The following MARCHF1 variants were observed in gnomAD, a reference collection of about 807,000 sequenced individuals.
The protein encoded by MARCHF1 is E3 ubiquitin-protein ligase MARCHF1.
Under a neutral mutation model 54.2 loss-of-function variants are expected in MARCHF1, and 40 were observed. The ratio of observed to expected loss-of-function variants is 0.74; its 90% CI spans 0.57 to 0.96. The LOEUF is 0.96. MARCHF1 is among the 40% of genes least tolerant of loss of function. MARCHF1 has a pLI of 0.00. For missense variants in MARCHF1, 586 were observed against 656.5 expected (o/e 0.89, Z 1.17); for synonymous variants, 236 against 236.3 (o/e 1.00, Z 0.01).
chr4:164,381,632 C>T (rs1241700071), intron 1 of MARCHF1, among the ~76,000 whole-genome samples: 1 of 152,126 alleles, frequency 6.6e-6, no homozygotes, highest in African/African-American at 2.4e-5. Context: ...AGCTGATTAT[C>T]TGATCAGAGT....
chr4:164,264,368 A>G (rs1733549346), intron 1 of MARCHF1, among the ~76,000 whole-genome samples: 1 of 152,148 alleles, frequency 6.6e-6, no homozygotes, highest in African/African-American at 2.4e-5. Context: ...AGAAGCAGAA[A>G]AGATAACTAT....
At chr4:164,271,260 G>C (rs1343026293) in intron 1 of MARCHF1, among the ~76,000 whole-genome samples, 2 of 152,122 alleles carry the variant, frequency 1.3e-5, no homozygotes, top group African/African-American at 4.8e-5. Flanking sequence ...GACTGAGATG[G>C]AGAGATCTTC....
chr4:163,786,800 C>T (rs1459984336), intron 4 of MARCHF1, among the ~76,000 whole-genome samples: 1 of 151,820 alleles, frequency 6.6e-6, no homozygotes, highest in African/African-American at 2.4e-5. Context: ...AAAGAAAGAA[C>T]AAAATTAGTG....
intron 4 of MARCHF1, among the ~76,000 whole-genome samples, chr4:163,754,752 A>T (rs889570143): frequency 6.6e-6 from 1 of 152,148 alleles, no homozygotes; most frequent in Non-Finnish European, 1.5e-5. Context: ...TAAAGTGCAA[A>T]AATATCACTT....
At chr4:163,762,959 C>T (rs1746869598) in intron 4 of MARCHF1, among the ~76,000 whole-genome samples, 1 of 152,050 alleles carries the variant, frequency 6.6e-6, no homozygotes, top group Non-Finnish European at 1.5e-5. Context: ...ACAATATAAA[C>T]CACAGAGGCA....
chr4:164,241,184 G>A (rs962523697), intron 1 of MARCHF1, among the ~76,000 whole-genome samples: 7 of 151,998 alleles, frequency 4.6e-5, no homozygotes, highest in Non-Finnish European at 8.8e-5. Flanking sequence ...CTCAGCCTTC[G>A]AAGACCATTT....
intron 2 of MARCHF1, among the ~76,000 whole-genome samples, chr4:164,068,404 A>G (rs1020545336): frequency 1.3e-5 from 2 of 152,044 alleles, no homozygotes; most frequent in Non-Finnish European, 2.9e-5. Flanking sequence ...AGGGAGAGGC[A>G]TGGGTGGGAA....
At chr4:163,622,928 A>G (rs1426186668) in intron 5 of MARCHF1, among the ~76,000 whole-genome samples, 1 of 152,182 alleles carries the variant, frequency 6.6e-6, no homozygotes, top group Non-Finnish European at 1.5e-5. Flanking sequence ...GCCTGTCTTG[A>G]GAGGCCCTAG....
chr4:164,157,177 A>T (rs2110928450), intron 1 of MARCHF1, among the ~76,000 whole-genome samples: 1 of 151,782 alleles, frequency 6.6e-6, no homozygotes, highest in Non-Finnish European at 1.5e-5. Context: ...TACAATATTA[A>T]AAGATATTAT....
At chr4:164,070,034 T>C (rs1283639542) in intron 2 of MARCHF1, among the ~76,000 whole-genome samples, 1 of 152,180 alleles carries the variant, frequency 6.6e-6, no homozygotes, top group African/African-American at 2.4e-5. Context: ...AAATACTGCA[T>C]GTTCTAATTT....
At chr4:163,960,787 A>T (rs1195618110) in intron 3 of MARCHF1, among the ~76,000 whole-genome samples, 1 of 150,640 alleles carries the variant, frequency 6.6e-6, no homozygotes, top group Non-Finnish European at 1.5e-5. Flanking sequence ...AAACCTTCGC[A>T]TGTACCCTTG....
At chr4:164,199,671 C>G (rs373555884) in intron 1 of MARCHF1, among the ~76,000 whole-genome samples, 638 of 56,174 alleles carry the variant, frequency 0.011, 1 homozygote, top group Middle Eastern at 0.024. Flanking sequence ...CACACACACA[C>G]ACACACACAC....
In MARCHF1 at chr4:164,286,871, T is replaced by G. The variant is rs558445695; in HGVS notation, c.-323+96999A>C. On this transcript the variant is annotated intron_variant, in intron 1 of 9. Coordinates refer to ENST00000514618, the MANE Select transcript of MARCHF1 (RefSeq NM_001394959.1). ...CTTATGAGTATTTAAAAAGGAAATT[T>G]TTTGTGGGTGTGGGGAGCAAACAGA... 8.0e-5 allele frequency among the ~76,000 whole-genome samples: 12 copies of G among 149,732 alleles called. No individual in the cohort carries two copies. The East Asian group carries it at 2.3e-3, about 29-fold the overall frequency.
At chr4:164,383,612 C>T (rs906376082) in intron 1 of MARCHF1, 1 of 152,186 alleles carries the variant, frequency 6.6e-6, no homozygotes, top group Admixed American at 6.5e-5. Context: ...AGGCTGCGGG[C>T]TGGAGCCGCC....
chr4:163,733,726 A>G (rs1204928748), intron 4 of MARCHF1, among the ~76,000 whole-genome samples: 2 of 152,132 alleles, frequency 1.3e-5, no homozygotes, highest in African/African-American at 4.8e-5. Flanking sequence ...CTAAAAGAAA[A>G]CATAGAAGAA....
chr4:163,787,960 C>T (rs943825815), intron 4 of MARCHF1, among the ~76,000 whole-genome samples: 4 of 151,754 alleles, frequency 2.6e-5, no homozygotes, highest in South Asian at 2.1e-4. Context: ...TTATGCTGAA[C>T]GAAATAAGCC....
rs960423797 is a variant in MARCHF1 at position 164,080,068 on chromosome 4, T to TA, written c.-248+31519dup. Among the ~76,000 whole-genome samples, 18 of 151,914 alleles carry TA rather than the reference T, an allele frequency of 1.2e-4. No homozygotes were observed. The East Asian group carries it at 1.5e-3, about 13-fold the overall frequency. ...ATGTGCCAATTCTACACCTAAGCCT[T>TA]AAAAAAAACAGGAAGCTTCTGCTTT... On this transcript the variant is annotated intron_variant, in intron 2 of 9. Transcript: ENST00000514618.
At chr4:164,272,085 T>C (rs1229203278) in intron 1 of MARCHF1, among the ~76,000 whole-genome samples, 2 of 151,894 alleles carry the variant, frequency 1.3e-5, no homozygotes, top group African/African-American at 2.4e-5. Flanking sequence ...TGAGATGCTT[T>C]TTACATCCAT....
intron 4 of MARCHF1, among the ~76,000 whole-genome samples, chr4:163,759,653 T>C (rs2110818614): frequency 6.6e-6 from 1 of 152,350 alleles, no homozygotes; most frequent in East Asian, 1.9e-4. Context: ...AAGGATATAA[T>C]GCAGTGGGGG....
Sources: allele counts gnomAD v4.1 joint callset (sites outside exome capture counted in the v4.1 genomes callset), GRCh38; gene constraint gnomAD v4.1.1; transcripts MANE v1.5; gene names NCBI Gene and HGNC (gene_info 2026-07-23, HGNC 2026-07-21).